The following BLMH variants were observed in gnomAD, a reference collection of about 807,000 sequenced individuals.
BLMH encodes bleomycin hydrolase.
A neutral mutation model predicts 61.6 loss-of-function variants in BLMH; 32 were observed. The observed-to-expected ratio is 0.52, with a 90% CI of 0.39 to 0.70. The LOEUF (loss-of-function observed/expected upper bound fraction) is 0.70. Ranked by LOEUF, BLMH falls within the 30% of genes least tolerant of loss-of-function variation. The pLI is 0.00. For synonymous variants in BLMH, 183 were observed against 193.8 expected (o/e 0.94, Z 0.46); for missense variants, 460 against 555.5 (o/e 0.83, Z 1.73).
chr17:30,289,091 T>C (rs894270318), intron 3 of BLMH, among the ~76,000 whole-genome samples: 4 of 152,148 alleles, frequency 2.6e-5, no homozygotes, highest in African/African-American at 7.2e-5. Context: ...AAGGGAGATA[T>C]ATTGAATTGA....
intron 6 of BLMH, among the ~76,000 whole-genome samples, chr17:30,276,534 C>T (rs953778661): frequency 6.6e-5 from 10 of 152,248 alleles, no homozygotes; most frequent in African/African-American, 1.4e-4. Context: ...GCAGTGCTGG[C>T]GACATGACAC....
At position 30,291,353 on chromosome 17, in the gene BLMH, C is replaced by CG. The variant is rs1567841008; in HGVS notation, c.168dup (p.Val57ArgfsTer37). 6.2e-7 allele frequency: 1 copy of CG among 1,612,598 alleles called. No individual in the cohort carries two copies. The highest frequency in any genetic ancestry group is 8.5e-7 in the Non-Finnish European group (1 of 1,179,986). ...GTGATTGGCTTGCCCTCCTGGGGCA[C>CG]GGCGTGCTGGAACACATGCTGCGCG... On this transcript the variant is annotated frameshift_variant, in exon 2 of 12. Coordinates refer to ENST00000261714, the MANE Select transcript of BLMH (RefSeq NM_000386.4). LOFTEE classifies it high-confidence loss of function.
At chr17:30,251,082 A>C (rs926084726) in intron 11 of BLMH, among the ~76,000 whole-genome samples, 16 of 152,174 alleles carry the variant, frequency 1.1e-4, no homozygotes, top group Non-Finnish European at 2.4e-4. Flanking sequence ...TTGGGCACTC[A>C]GGATGGAAGA....
intron 11 of BLMH, among the ~76,000 whole-genome samples, chr17:30,253,686 G>A (rs1378389952): frequency 6.6e-6 from 1 of 152,014 alleles, no homozygotes; most frequent in African/African-American, 2.4e-5. Flanking sequence ...AAAAAGAAAA[G>A]AAAACAAAAT....
chr17:30,290,517 T>C (rs1341366459), intron 2 of BLMH, among the ~76,000 whole-genome samples: 22 of 152,234 alleles, frequency 1.4e-4, no homozygotes, highest in Admixed American at 1.4e-3. Context: ...CAATAAAATG[T>C]ACTCACGTTA....
chr17:30,272,114 T>C (rs1183173673), intron 9 of BLMH: 1 of 172,114 alleles, frequency 5.8e-6, no homozygotes, highest in East Asian at 1.5e-4. Context: ...TAACCTTCAT[T>C]GTCATAAATG....
At chr17:30,260,993 G>A (rs993713685) in intron 11 of BLMH, among the ~76,000 whole-genome samples, 1 of 152,166 alleles carries the variant, frequency 6.6e-6, no homozygotes, top group African/African-American at 2.4e-5. Context: ...ACCCTCTGAG[G>A]TGACAAAACA....
intron 11 of BLMH, among the ~76,000 whole-genome samples, chr17:30,253,265 A>G (rs1907721197): frequency 6.6e-6 from 1 of 152,016 alleles, no homozygotes; most frequent in Non-Finnish European, 1.5e-5. Flanking sequence ...AAGATGGACA[A>G]TAAGTACATC....
At chr17:30,256,244 C>CAAACTTTT (rs1907811347) in intron 11 of BLMH, among the ~76,000 whole-genome samples, 1 of 152,030 alleles carries the variant, frequency 6.6e-6, no homozygotes. Context: ...TTACAGTACA[C>CAAACTTTT]TCTATATTTT....
In BLMH at chr17:30,282,118, C is replaced by T. The variant is rs963049392; in HGVS notation, c.645+3270G>A. On this transcript the variant is annotated intron_variant, in intron 6 of 11. Coordinates refer to ENST00000261714, the MANE Select transcript of BLMH (RefSeq NM_000386.4). ...GGTTGCCCAGGTAGCACTTGAACTC[C>T]TGGGTTTCTGGACTCAAGTGATCTG... Among the ~76,000 whole-genome samples the T allele has an allele frequency of 5.3e-5, 8 of 152,072 alleles. 1 individual carries two copies. Among genetic ancestry groups the T allele is most frequent in the African/African-American group, 1.9e-4 (8 of 41,402 alleles).
chr17:30,266,730 G>T lies in BLMH; in HGVS notation c.1216+155C>A, dbSNP rs530698716. 1.3e-3 allele frequency: 921 copies of T among 687,142 alleles called. 16 individuals are homozygous for T. The South Asian group carries it at 0.016, about 12-fold the overall frequency. The allele number at this position is 687,142 out of a possible 1,614,324, so 42.6% of individuals were successfully genotyped here. On this transcript the variant is annotated intron_variant, in intron 11 of 11. Transcript: ENST00000261714. ...ATGCCATAATGGTCAGGAGAATCCT[G>T]GGGGCAAATCAGATCCTCAGATTTT... is the stretch of plus-strand genomic sequence containing the variant.
chr17:30,279,857 T>C (rs1209351338), intron 6 of BLMH, among the ~76,000 whole-genome samples: 1 of 152,090 alleles, frequency 6.6e-6, no homozygotes, highest in Non-Finnish European at 1.5e-5. Context: ...TTTAAATGAC[T>C]TGCTGAAGTG....
intron 11 of BLMH, among the ~76,000 whole-genome samples, chr17:30,259,114 C>T (rs527793563): frequency 1.3e-5 from 2 of 152,296 alleles, no homozygotes; most frequent in Admixed American, 6.5e-5. Context: ...TGTGACTCTG[C>T]GCTTATTCTT....
intron 11 of BLMH, among the ~76,000 whole-genome samples, chr17:30,254,457 T>G (rs1359027273): frequency 6.6e-6 from 1 of 152,156 alleles, no homozygotes; most frequent in Non-Finnish European, 1.5e-5. Context: ...GAGAAACCAT[T>G]TCACAGAACA....
intron 10 of BLMH, among the ~76,000 whole-genome samples, chr17:30,267,192 T>C: frequency 6.6e-6 from 1 of 152,124 alleles, no homozygotes; most frequent in East Asian, 1.9e-4. Context: ...AAAAACATAA[T>C]AAACTAACAA....
chr17:30,281,210 T>C (rs1218086660), intron 6 of BLMH, among the ~76,000 whole-genome samples: 2 of 152,060 alleles, frequency 1.3e-5, no homozygotes, highest in Non-Finnish European at 2.9e-5. Flanking sequence ...TAAAAGTATG[T>C]GCACTTCTGT....
intron 11 of BLMH, among the ~76,000 whole-genome samples, chr17:30,251,048 G>A (rs1473416235): frequency 1.3e-5 from 2 of 152,164 alleles, no homozygotes; most frequent in Non-Finnish European, 2.9e-5. Flanking sequence ...AGGATGCAAA[G>A]GCATAAGAAT....
chr17:30,258,849 G>A (rs911187353), intron 11 of BLMH, among the ~76,000 whole-genome samples: 4 of 152,060 alleles, frequency 2.6e-5, no homozygotes, highest in African/African-American at 7.2e-5. Context: ...TCTGCTTGTC[G>A]GTCACTCCTC....
At position 30,283,921 on chromosome 17, in the gene BLMH, A is replaced by G. The variant is rs996111959; in HGVS notation, c.645+1467T>C. Reference sequence around the variant, plus strand: ...CAAGAAGGGAAGAAGTAACATTTACAGAACTCCTGCTACGTGCCAGGCACT... The same window carrying G: ...CAAGAAGGGAAGAAGTAACATTTACGGAACTCCTGCTACGTGCCAGGCACT... On this transcript the variant is annotated intron_variant, in intron 6 of 11. Coordinates refer to ENST00000261714, the MANE Select transcript of BLMH (RefSeq NM_000386.4). 4.6e-5 allele frequency among the ~76,000 whole-genome samples: 7 copies of G among 152,230 alleles called. No homozygotes were observed. In the South Asian group the frequency reaches 1.4e-3, roughly 31 times the overall value.
Sources: gnomAD v4.1 joint callset for allele counts (sites outside exome capture counted in the v4.1 genomes callset) on GRCh38, gnomAD v4.1.1 for gene constraint, MANE v1.5 for transcripts, NCBI Gene and HGNC (gene_info 2026-07-23, HGNC 2026-07-21) for gene names.